CHD7: variants seen among roughly 807,000 people sequenced by gnomAD.
CHD7 encodes the protein chromodomain helicase DNA binding protein 7.
In CHD7, 24 loss-of-function variants were observed where a neutral mutation model predicts 307.3. The ratio of observed to expected loss-of-function variants is 0.08; its 90% CI spans 0.06 to 0.11. The LOEUF (loss-of-function observed/expected upper bound fraction) is 0.11. CHD7 is among the 10% of genes least tolerant of loss of function. The probability of loss-of-function intolerance (pLI) is 1.00; values close to 1 mark genes in which losing one functional copy is unlikely to be tolerated. For synonymous variants in CHD7, 1,363 were observed against 1,349.9 expected, an observed-to-expected ratio of 1.01 and a Z score of -0.21; for missense variants, 3,106 against 3,727.1, an observed-to-expected ratio of 0.83 and a Z score of 4.34.
Position 60,781,303 on chromosome 8 carries a change from A to G in CHD7, c.1969A>G (p.Lys657Glu). The change falls in exon 3 of 38, where the codon AAA (lysine) becomes GAA (glutamate). Residue 657 changes from lysine (K) to glutamate (E), a missense_variant. Lys to Glu is a moderately conservative substitution (Grantham distance 56, BLOSUM62 1). Around this residue, in one of 10 missense-constraint regions of CHD7, gnomAD observed 998 missense variants for 1,004.5 expected, o/e 0.99. Coordinates refer to ENST00000423902, the MANE Select transcript of CHD7 (RefSeq NM_017780.4). ...GGCAAAAAAAGACCCGAAGGAACCG[A>G]AAGAACCCAAGGAGAAAAAAGAGCC... is the stretch of plus-strand genomic sequence containing the variant. ...SKAKKDPKEP[K>E]EPKEKKEPKE... The G allele has an allele frequency of 2.6e-6, 4 of 1,567,208 alleles. No individual in the cohort carries two copies. The highest frequency in any genetic ancestry group is 3.5e-6 in the Non-Finnish European group (4 of 1,156,646).
At chr8:60,738,772 ACTT>A (rs537642096) in intron 1 of CHD7, among the ~76,000 whole-genome samples, 31 of 152,186 alleles carry the variant, frequency 2.0e-4, no homozygotes, top group African/African-American at 6.7e-4. Context: ...CAGTTTTTGA[ACTT>A]CTCTGCCTGG....
chr8:60,702,365 A>T (rs1806806963), intron 1 of CHD7, among the ~76,000 whole-genome samples: 1 of 152,232 alleles, frequency 6.6e-6, no homozygotes. Flanking sequence ...TAGACTAGGT[A>T]TCCCCCCTAC....
intron 7 of CHD7, among the ~76,000 whole-genome samples, chr8:60,813,238 T>TA (rs1360832764): frequency 1.3e-5 from 2 of 152,236 alleles, no homozygotes; most frequent in African/African-American, 4.8e-5. Context: ...TGTTGGCTTC[T>TA]GTATGCTAAT....
At chr8:60,699,173 A>G (rs1806635369) in intron 1 of CHD7, among the ~76,000 whole-genome samples, 1 of 152,236 alleles carries the variant, frequency 6.6e-6, no homozygotes, top group Non-Finnish European at 1.5e-5. Flanking sequence ...TGATTGTGGC[A>G]ACTACCTATA....
chr8:60,753,657 G>A (rs969095443), intron 2 of CHD7, among the ~76,000 whole-genome samples: 15 of 151,552 alleles, frequency 9.9e-5, no homozygotes, highest in African/African-American at 3.4e-4. Flanking sequence ...GTCTTGCTCT[G>A]TCGCCCAGGA....
At chr8:60,821,957 A>C (rs1208751551) in intron 10 of CHD7, 30 bp downstream of exon 10, 1 of 1,613,376 alleles carries the variant, frequency 6.2e-7, no homozygotes, top group Admixed American at 1.7e-5. Context: ...AGAGAATTTA[A>C]TTTGAAAATA....
chr8:60,864,746 G>A, intron 37 of CHD7: 1 of 454,732 alleles, frequency 2.2e-6, no homozygotes, highest in Non-Finnish European at 4.0e-6. Flanking sequence ...ACTTTCTGAT[G>A]TATGATTTCT....
intron 7 of CHD7, among the ~76,000 whole-genome samples, chr8:60,810,892 C>T (rs1445238697): frequency 2.0e-5 from 3 of 152,204 alleles, no homozygotes; most frequent in African/African-American, 7.2e-5. Flanking sequence ...AGGTGAGCGG[C>T]AGGCGACTGA....
intron 2 of CHD7, among the ~76,000 whole-genome samples, chr8:60,765,125 G>A (rs1810402456): frequency 6.6e-6 from 1 of 152,080 alleles, no homozygotes; most frequent in Non-Finnish European, 1.5e-5. Context: ...TGAAGGTGTC[G>A]TGGGACTTTG....
In CHD7 at chr8:60,721,978, G is replaced by A. The variant is rs371912655; in HGVS notation, c.-174-19281G>A. Among the ~76,000 whole-genome samples the A allele has an allele frequency of 7.7e-4, 118 of 152,346 alleles. 1 individual carries two copies. Among genetic ancestry groups the A allele is most frequent in the South Asian group, 6.4e-3 (31 of 4,828 alleles). ...ACAAAGTAGTTGGGTTGGGGTCGGG[G>A]ATGTTGCATTCTTTTTGCAAAAAGA... On this transcript the variant is annotated intron_variant, in intron 1 of 37. Transcript: ENST00000423902.
chr8:60,794,397 A>G (rs2150696337), intron 3 of CHD7, among the ~76,000 whole-genome samples: 1 of 152,342 alleles, frequency 6.6e-6, no homozygotes, highest in Non-Finnish European at 1.5e-5. Context: ...TTATCTCAAA[A>G]AACACGTAGC....
In CHD7 at chr8:60,837,830, A is replaced by G; in HGVS notation, c.4348A>G (p.Asn1450Asp). 1 of 1,612,244 alleles carries G rather than the reference A, an allele frequency of 6.2e-7. No homozygotes were observed. The highest frequency in any genetic ancestry group is 8.5e-7 in the Non-Finnish European group (1 of 1,178,740). Residue 1450 changes from asparagine to aspartate, a missense_variant, in exon 18 of 38, where the codon AAT (asparagine) becomes GAT (aspartate). Asn to Asp is a conservative substitution (Grantham distance 23). Around this residue, in one of 10 missense-constraint regions of CHD7, gnomAD observed 93 missense variants for 176.4 expected, o/e 0.53. Coordinates refer to ENST00000423902, the MANE Select transcript of CHD7 (RefSeq NM_017780.4). ...TATGAGTGGAAGAGAAAATGCTACC[A>G]ATGGGGTAAAACCACCCTTGCCCAA... ...QSMSGRENAT[N>D]GVQQLSKKEI...
intron 1 of CHD7, among the ~76,000 whole-genome samples, chr8:60,714,377 TG>T (rs1434112144): frequency 9.2e-6 from 1 of 108,784 alleles, no homozygotes; most frequent in Non-Finnish European, 1.7e-5. Context: ...GAGCCCCACC[TG>T]GCCTGACAAC....
intron 2 of CHD7, among the ~76,000 whole-genome samples, chr8:60,767,428 T>G (rs1344839365): frequency 2.6e-5 from 4 of 152,174 alleles, no homozygotes; most frequent in Non-Finnish European, 5.9e-5. Flanking sequence ...CTATTTAAAT[T>G]AGTCCTTGAG....
At chr8:60,860,727 G>A (rs2129700251) in intron 34 of CHD7, among the ~76,000 whole-genome samples, 177 bp from the exon 35 acceptor site, 1 of 152,350 alleles carries the variant, frequency 6.6e-6, no homozygotes, top group South Asian at 2.1e-4. Context: ...GAGCCACCGC[G>A]CCCAGCCTCA....
intron 31 of CHD7, 74 bp downstream of exon 31, chr8:60,853,574 C>A (rs77524411): frequency 8.5e-7 from 1 of 1,170,554 alleles, no homozygotes; most frequent in Non-Finnish European, 1.2e-6. Context: ...TCTGGCAGCA[C>A]GGCACCTGCT....
At chr8:60,679,164 G>GGGCCGC (rs1805430658) in intron 1 of CHD7, 82 bp downstream of exon 1, 1 of 155,696 alleles carries the variant, frequency 6.4e-6, no homozygotes, top group Non-Finnish European at 1.4e-5. Context: ...GCCGGGGCCG[G>GGGCCGC]GGCCGCGCTA....
chr8:60,703,597 A>G (rs935086200), intron 1 of CHD7, among the ~76,000 whole-genome samples: 2 of 152,244 alleles, frequency 1.3e-5, no homozygotes, highest in African/African-American at 4.8e-5. Context: ...GTTTAGCCAC[A>G]TTATAAAATT....
chr8:60,779,584 A>G (rs1289161906), intron 2 of CHD7, among the ~76,000 whole-genome samples: 9 of 152,212 alleles, frequency 5.9e-5, no homozygotes, highest in Non-Finnish European at 2.9e-5. Context: ...CATGGCATCA[A>G]ATAGCCGCTC....
Sources: gnomAD v4.1 joint callset for allele counts (sites outside exome capture counted in the v4.1 genomes callset) on GRCh38, gnomAD v4.1.1 for gene constraint, gnomAD v4.1.1 regional missense constraint, MANE v1.5 for transcripts, NCBI Gene and HGNC (gene_info 2026-07-23, HGNC 2026-07-21) for gene names.